IGSF9B: variants seen among roughly 807,000 people sequenced by gnomAD.
IGSF9B encodes the protein immunoglobulin superfamily member 9B.
In IGSF9B, 48 loss-of-function variants were observed where a neutral mutation model predicts 143.7. The observed-to-expected ratio is 0.33, with a 90% CI of 0.26 to 0.42. The LOEUF (loss-of-function observed/expected upper bound fraction) is 0.42, where lower values mean the gene tolerates loss of function less well. IGSF9B is among the 20% of genes least tolerant of loss of function. IGSF9B has a pLI of 1.00. For synonymous variants in IGSF9B, 903 were observed against 833.1 expected (o/e 1.08, Z -1.44); for missense variants, 1,706 against 1,980.0 (o/e 0.86, Z 2.63).
chr11:133,954,557 A>G (rs1271877769), intron 1 of IGSF9B, among the ~76,000 whole-genome samples: 3 of 152,238 alleles, frequency 2.0e-5, no homozygotes, highest in African/African-American at 4.8e-5. Context: ...CACGTACTAT[A>G]TAACAGGTAG....
In IGSF9B at chr11:133,920,068, G is replaced by T; in HGVS notation, c.3657C>A (p.Ala1219=). The change falls in exon 18 of 20, where the codon GCC becomes GCA. Residue 1219 remains alanine (A), a synonymous_variant. Coordinates refer to ENST00000533871, the MANE Select transcript of IGSF9B (RefSeq NM_001277285.4). ...LSSRTGSPEL[A]ARARPRPGLL... ...GGCCCGGGCGAGGCCGGGCACGGGC[G>T]GCGAGCTCAGGGGAGCCGGTGCGGG... is the stretch of plus-strand genomic sequence containing the variant. 6.5e-7 allele frequency: 1 copy of T among 1,541,462 alleles called. No individual in the cohort carries two copies. The highest frequency in any genetic ancestry group is 8.7e-7 in the Non-Finnish European group (1 of 1,145,448).
rs372000338 is a variant in IGSF9B, at chr11:133,920,779, C to A, written c.2946G>T (p.Pro982=). ...GGCTGCCCACTTCTGGCACGTAGAACGGGGGCGGCTCCACCTCCCCAGGGC... is the reference window on the plus strand; with the variant it reads ...GGCTGCCCACTTCTGGCACGTAGAAAGGGGGCGGCTCCACCTCCCCAGGGC... ...SSSPGEVEPP[P]FYVPEVGSPL... is the part of the protein sequence containing the mutation. Residue 982 remains proline (P), a synonymous_variant, in exon 18 of 20, where the codon CCG becomes CCT. Transcript: ENST00000533871. 6.2e-7 allele frequency: 1 copy of A among 1,610,526 alleles called. No homozygotes were observed. Among genetic ancestry groups the A allele is most frequent in the Admixed American group, 1.7e-5 (1 of 59,826 alleles).
intron 7 of IGSF9B, among the ~76,000 whole-genome samples, chr11:133,932,417 AGACAGACAGACAGATACAGG>A (rs1565437034): frequency 2.0e-5 from 3 of 146,846 alleles, no homozygotes; most frequent in African/African-American, 5.2e-5. Context: ...GTGGGAGAGC[AGACAGACAGACAGATACAGG>A]GACAGACAGA....
intron 18 of IGSF9B, among the ~76,000 whole-genome samples, chr11:133,919,270 G>A (rs1391994387): frequency 6.6e-6 from 1 of 152,154 alleles, no homozygotes; most frequent in African/African-American, 2.4e-5. Flanking sequence ...CCCTGGCCTG[G>A]TGGTCTGGAG....
In IGSF9B at chr11:133,921,004, G is replaced by A. The variant is rs552087768; in HGVS notation, c.2721C>T (p.Ala907=). 2 of 1,611,814 alleles carry A rather than the reference G, an allele frequency of 1.2e-6. No homozygotes were observed. Among genetic ancestry groups the A allele is most frequent in the African/African-American group, 1.3e-5 (1 of 75,028 alleles). The change falls in exon 18 of 20, where the codon GCC becomes GCT. Residue 907 remains alanine, a synonymous_variant. Coordinates refer to ENST00000533871, the MANE Select transcript of IGSF9B (RefSeq NM_001277285.4). ...ACAGAGGGGTGAGCTGGGACTTCAG[G>A]GCGGCCACAGATGTGGGCACCAGTG... The part of the protein sequence containing the change: ...EDPLVPTSVA[A]LKSQLTPLSS...
At position 133,900,099 on chromosome 11, in the gene IGSF9B, T is replaced by C. The variant is rs1439672694; in HGVS notation, c.*8970A>G. 8.7e-6 allele frequency: 1 copy of C among 114,654 alleles called. No homozygotes were observed. The highest frequency in any genetic ancestry group is 8.2e-5 in the Admixed American group (1 of 12,154). The allele number at this position is 114,654 out of a possible 1,614,324, so 7.1% of individuals were successfully genotyped here. A position where few individuals can be genotyped will look rare whatever the true frequency, so the allele number is the denominator to read the frequency against. On this transcript the variant is annotated 3_prime_UTR_variant, in exon 20 of 20. Transcript: ENST00000533871. ...AGGATCAAGAGTTAGACTCAAGCTT[T>C]ACCCCAACCTACTCTTCCCATAATA...
In IGSF9B at chr11:133,900,339, C is replaced by T. The variant is rs778277519; in HGVS notation, c.*8730G>A. 1 of 152,722 alleles carries T rather than the reference C, an allele frequency of 6.5e-6. No individual in the cohort carries two copies. Among genetic ancestry groups the T allele is most frequent in the Admixed American group, 6.5e-5 (1 of 15,280 alleles). 9.5% of individuals were successfully genotyped at this position (152,722 alleles called of 1,614,324 possible). Reference sequence around the variant, plus strand: ...CCTGCACCATCTGGCCCAGCACCAGCTTCAAATACATCACTCCGAGCTCCG... The same window carrying T: ...CCTGCACCATCTGGCCCAGCACCAGTTTCAAATACATCACTCCGAGCTCCG... On this transcript the variant is annotated 3_prime_UTR_variant, in exon 20 of 20. Coordinates refer to ENST00000533871, the MANE Select transcript of IGSF9B (RefSeq NM_001277285.4).
chr11:133,944,290 G>A lies in IGSF9B; in HGVS notation c.339C>T (p.Cys113=). Residue 113 remains cysteine, a synonymous_variant, in exon 3 of 20, where the codon TGC becomes TGT. Transcript: ENST00000533871. ...VRSEDQGWYE[C]KVLMLDQQYD... ...ACTGCTGGTCCAGCATGAGCACTTT[G>A]CACTCATACCAGCCCTGGTCCTCAG... 2 of 1,613,930 alleles carry A rather than the reference G, an allele frequency of 1.2e-6. No homozygotes were observed. The highest frequency in any genetic ancestry group is 1.7e-6 in the Non-Finnish European group (2 of 1,179,830).
intron 3 of IGSF9B, among the ~76,000 whole-genome samples, chr11:133,941,846 C>T (rs755352334): frequency 6.6e-6 from 1 of 152,210 alleles, no homozygotes; most frequent in Non-Finnish European, 1.5e-5. Context: ...CACTTCCCAC[C>T]TGCACGTGAC....
rs1412645399 is a variant in IGSF9B at position 133,905,705 on chromosome 11, G to T, written c.*3364C>A. 6.6e-6 allele frequency among the ~76,000 whole-genome samples: 1 copy of T among 152,152 alleles called. No individual in the cohort carries two copies. The highest frequency in any genetic ancestry group is 1.5e-5 in the Non-Finnish European group (1 of 68,010). The stretch of plus-strand genomic sequence containing the variant: ...TGCTAAGAAAGTAGGATCTCAAAAG[G>T]CCTGTCCTACCCCCAGTCTCTCCAG... On this transcript the variant is annotated 3_prime_UTR_variant, in exon 20 of 20. Transcript: ENST00000533871. The surrounding 1 kb of genome is among the most constrained non-coding windows in gnomAD (Gnocchi z 4.0).
At position 133,929,831 on chromosome 11, in the gene IGSF9B, G is replaced by A. The variant is rs571906356; in HGVS notation, c.1520-49C>T. The A allele has an allele frequency of 9.1e-6, 12 of 1,311,582 alleles. No homozygotes were observed. In the South Asian group the frequency reaches 1.2e-4, roughly 13 times the overall value. The allele number at this position is 1,311,582 out of a possible 1,614,324, so 81.2% of individuals were successfully genotyped here. ...CAGACTGAAAAGAACTCAGCCACGT[G>A]GCTGGGTGCCCACCGTCTGGCTGTG... On this transcript the variant is annotated intron_variant, in intron 11 of 19. Coordinates refer to ENST00000533871, the MANE Select transcript of IGSF9B (RefSeq NM_001277285.4).
rs1939169764 is a variant in IGSF9B at position 133,903,373 on chromosome 11, C to T, written c.*5696G>A. On this transcript the variant is annotated 3_prime_UTR_variant, in exon 20 of 20. Coordinates refer to ENST00000533871, the MANE Select transcript of IGSF9B (RefSeq NM_001277285.4). ...TTAAAACTGTCCAATCTAGCTCTCC[C>T]AGCCAGGGCTCCAAAGCCGGTAGCT... Among the ~76,000 whole-genome samples, 5 of 152,190 alleles carry T rather than the reference C, an allele frequency of 3.3e-5. No homozygotes were observed. The South Asian group carries it at 8.3e-4, about 25-fold the overall frequency.
intron 1 of IGSF9B, among the ~76,000 whole-genome samples, chr11:133,956,031 G>A (rs1164131950): frequency 1.3e-5 from 2 of 152,088 alleles, no homozygotes; most frequent in Non-Finnish European, 2.9e-5. Context: ...TGAGAGGCGC[G>A]GGGGCCGGCG....
At chr11:133,930,317 G>A (rs1343943700) in intron 11 of IGSF9B, among the ~76,000 whole-genome samples, 1 of 152,140 alleles carries the variant, frequency 6.6e-6, no homozygotes, top group African/African-American at 2.4e-5. Context: ...CCTCTGCTTC[G>A]AGGAACCTAC....
Position 133,945,478 on chromosome 11 carries a change from A to G in IGSF9B, c.262+583T>C, listed in dbSNP as rs1175080553. ...CAATGACACGCACACGCACGCACAC[A>G]CACACCCACGCCCTCCTCTCCCGCG... On this transcript the variant is annotated intron_variant, in intron 2 of 19. Transcript: ENST00000533871. This position sits in a 1 kb window ranked among gnomAD's most constrained non-coding sequence, Gnocchi z 4.6. Among the ~76,000 whole-genome samples, 1 of 152,066 alleles carries G rather than the reference A, an allele frequency of 6.6e-6. No individual in the cohort carries two copies. The highest frequency in any genetic ancestry group is 1.5e-5 in the Non-Finnish European group (1 of 68,010).
Position 133,931,522 on chromosome 11 carries a change from C to T in IGSF9B, c.1299G>A (p.Glu433=). 6.2e-7 allele frequency: 1 copy of T among 1,613,396 alleles called. No individual in the cohort carries two copies. The highest frequency in any genetic ancestry group is 8.5e-7 in the Non-Finnish European group (1 of 1,179,846). The change falls in exon 10 of 20, where the codon GAG becomes GAA. Residue 433 remains glutamate, a synonymous_variant. Transcript: ENST00000533871. The surrounding 1 kb of genome is among the most constrained non-coding windows in gnomAD (Gnocchi z 7.7). ...TVLPGWEYRQ[E]AGRELLIPCA... ...AGGGGATAAGTAGCTCCCGGCCGGC[C>T]TCCTGCCTGTACTCCCAGCCTGGTA... is the stretch of plus-strand genomic sequence containing the variant.
rs1340256878 is a variant in IGSF9B, at chr11:133,902,338, CCCCACACACAT to C, written c.*6720_*6730del. The stretch of plus-strand genomic sequence containing the variant: ...ATACACACACACCATACCACACACA[CCCCACACACAT>C]ACACAACCACACAATAGACACACCA... On this transcript the variant is annotated 3_prime_UTR_variant, in exon 20 of 20. Coordinates refer to ENST00000533871, the MANE Select transcript of IGSF9B (RefSeq NM_001277285.4). Among the ~76,000 whole-genome samples, 16 of 148,900 alleles carry C rather than the reference CCCCACACACAT, an allele frequency of 1.1e-4. No homozygotes were observed. Among genetic ancestry groups the C allele is most frequent in the Admixed American group, 1.1e-3 (16 of 14,928 alleles).
At chr11:133,927,469 G>A (rs1939648378) in intron 12 of IGSF9B, among the ~76,000 whole-genome samples, 1 of 152,226 alleles carries the variant, frequency 6.6e-6, no homozygotes, top group Non-Finnish European at 1.5e-5. Context: ...CGGCTCAACA[G>A]TGGCAGGATG....
At chr11:133,910,340 G>A (rs551259577) in intron 19 of IGSF9B, among the ~76,000 whole-genome samples, 40 of 152,324 alleles carry the variant, frequency 2.6e-4, no homozygotes, top group African/African-American at 8.2e-4. Context: ...CCAGCCACGA[G>A]GTACTGCAAT....
Sources: gnomAD v4.1 joint callset for allele counts (sites outside exome capture counted in the v4.1 genomes callset) on GRCh38, gnomAD v4.1.1 for gene constraint, Gnocchi (gnomAD v3.1) non-coding constraint, MANE v1.5 for transcripts, NCBI Gene and HGNC (gene_info 2026-07-23, HGNC 2026-07-21) for gene names.